The following RAD51B variants were observed in gnomAD, a reference collection of about 807,000 sequenced individuals.
The protein encoded by RAD51B is DNA repair protein RAD51 homolog 2.
A neutral mutation model predicts 42.2 loss-of-function variants in RAD51B; 38 were observed. That is an observed-to-expected ratio of 0.90 (90% CI 0.70 to 1.18). RAD51B has a LOEUF of 1.18. RAD51B is among the 50% of genes most tolerant of loss of function. The pLI is 0.00. For missense variants in RAD51B, 373 were observed against 400.7 expected, an observed-to-expected ratio of 0.93 and a Z score of 0.59; for synonymous variants, 154 against 145.2, an observed-to-expected ratio of 1.06 and a Z score of -0.43.
At chr14:68,217,393 A>G (rs2079838128) in intron 7 of RAD51B, among the ~76,000 whole-genome samples, 1 of 152,344 alleles carries the variant, frequency 6.6e-6, no homozygotes, top group Admixed American at 6.5e-5. Flanking sequence ...TATGGAGTTT[A>G]TGGCACTTTT....
intron 7 of RAD51B, among the ~76,000 whole-genome samples, chr14:68,277,743 T>G (rs2081251506): frequency 6.6e-6 from 1 of 152,138 alleles, no homozygotes; most frequent in East Asian, 1.9e-4. Flanking sequence ...TGGGGGTTTT[T>G]TTTGTTTGTT....
intron 7 of RAD51B, among the ~76,000 whole-genome samples, chr14:68,044,612 A>G (rs1401751293): frequency 1.3e-5 from 2 of 152,122 alleles, no homozygotes; most frequent in Non-Finnish European, 2.9e-5. Flanking sequence ...TTTCAGTATA[A>G]TAAAAATTTA....
At chr14:68,190,238 A>G (rs530800112) in intron 7 of RAD51B, among the ~76,000 whole-genome samples, 31 of 152,284 alleles carry the variant, frequency 2.0e-4, no homozygotes, top group African/African-American at 6.0e-4. Flanking sequence ...TTTAATTTAC[A>G]TTAGGCACTC....
intron 7 of RAD51B, among the ~76,000 whole-genome samples, chr14:68,138,864 ATG>A (rs1430554648): frequency 5.3e-5 from 8 of 152,294 alleles, no homozygotes; most frequent in Admixed American, 5.2e-4. Context: ...CTATGATTGA[ATG>A]AGAATGGTTC....
At chr14:67,920,181 T>TTATAA in intron 7 of RAD51B, among the ~76,000 whole-genome samples, 1 of 152,184 alleles carries the variant, frequency 6.6e-6, no homozygotes, top group Non-Finnish European at 1.5e-5. Context: ...AGCAACTGAA[T>TTATAA]TTCTTAGGTA....
chr14:68,012,479 A>G (rs574488184), intron 7 of RAD51B, among the ~76,000 whole-genome samples: 12 of 152,094 alleles, frequency 7.9e-5, no homozygotes, highest in African/African-American at 2.2e-4. Context: ...AGAGCCCTCA[A>G]AGTCTAAAAT....
At chr14:68,626,672 A>G (rs559607407) in intron 10 of RAD51B, among the ~76,000 whole-genome samples, 2 of 152,340 alleles carry the variant, frequency 1.3e-5, no homozygotes, top group South Asian at 4.1e-4. Flanking sequence ...GCTGATTTCT[A>G]GAGCAAGTGT....
chr14:68,173,582 A>G (rs2078912239), intron 7 of RAD51B, among the ~76,000 whole-genome samples: 5 of 152,212 alleles, frequency 3.3e-5, no homozygotes, highest in Admixed American at 3.3e-4. Flanking sequence ...TAAGAATCAC[A>G]TGCAATATGA....
chr14:68,208,129 A>C (rs967320392), intron 7 of RAD51B, among the ~76,000 whole-genome samples: 2 of 152,016 alleles, frequency 1.3e-5, no homozygotes, highest in African/African-American at 4.8e-5. Context: ...TAAAAAAAAA[A>C]ACAACATATT....
At position 68,091,586 on chromosome 14, in the gene RAD51B, T is replaced by C. The variant is rs533913347; in HGVS notation, c.757-200298T>C. ...TAAATTTGTTTGAGTTCATTGTAGATTGTGGATATTAGCCCTTTGTCAGAT... is the reference window on the plus strand; with the variant it reads ...TAAATTTGTTTGAGTTCATTGTAGACTGTGGATATTAGCCCTTTGTCAGAT... On this transcript the variant is annotated intron_variant, in intron 7 of 10. Transcript: ENST00000471583. 7.9e-5 allele frequency among the ~76,000 whole-genome samples: 12 copies of C among 152,348 alleles called. No individual in the cohort carries two copies. In the South Asian group the frequency reaches 2.3e-3, roughly 29 times the overall value.
intron 10 of RAD51B, among the ~76,000 whole-genome samples, chr14:68,576,227 G>A (rs1162387670): frequency 1.3e-5 from 2 of 152,198 alleles, no homozygotes; most frequent in Non-Finnish European, 2.9e-5. Context: ...GAAGCTAGAG[G>A]CAAAGGAAGC....
chr14:68,339,118 C>T (rs1318237463), intron 8 of RAD51B: 3 of 697,188 alleles, frequency 4.3e-6, no homozygotes, highest in East Asian at 2.7e-5. Context: ...TTAACTCCTG[C>T]TCGAAGGACA....
At chr14:68,085,939 G>A (rs368758906) in intron 7 of RAD51B, among the ~76,000 whole-genome samples, 1 of 152,222 alleles carries the variant, frequency 6.6e-6, no homozygotes, top group African/African-American at 2.4e-5. Context: ...AATGTTTACA[G>A]CTGAAGCCCC....
chr14:67,839,720 T>A (rs921928419), intron 4 of RAD51B, among the ~76,000 whole-genome samples: 3 of 152,022 alleles, frequency 2.0e-5, no homozygotes, highest in African/African-American at 7.2e-5. Context: ...TTTATTTAAT[T>A]TTTTTGTGGG....
At chr14:68,351,333 A>C (rs1012199205) in intron 8 of RAD51B, among the ~76,000 whole-genome samples, 4 of 152,170 alleles carry the variant, frequency 2.6e-5, no homozygotes, top group Non-Finnish European at 5.9e-5. Context: ...AGTAGAAAAG[A>C]CCAAAAGTGT....
At chr14:67,869,295 G>A (rs1337016973) in intron 5 of RAD51B, among the ~76,000 whole-genome samples, 2 of 152,220 alleles carry the variant, frequency 1.3e-5, no homozygotes, top group African/African-American at 4.8e-5. Flanking sequence ...GAATGCAGAA[G>A]CCTCAGGAGC....
chr14:68,509,777 G>A (rs1885594495), intron 10 of RAD51B, among the ~76,000 whole-genome samples: 1 of 152,182 alleles, frequency 6.6e-6, no homozygotes. Context: ...CAACTGCAAG[G>A]CAGCCATGGA....
At chr14:68,094,153 T>C (rs2077151827) in intron 7 of RAD51B, among the ~76,000 whole-genome samples, 3 of 152,256 alleles carry the variant, frequency 2.0e-5, no homozygotes, top group Admixed American at 1.3e-4. Flanking sequence ...GTTGTGACGA[T>C]TTAAGATTTC....
chr14:68,084,204 A>G lies in RAD51B; in HGVS notation c.756+197000A>G, dbSNP rs556400104. 6.2e-4 allele frequency among the ~76,000 whole-genome samples: 94 copies of G among 152,312 alleles called. 1 individual carries two copies. The highest frequency in any genetic ancestry group is 3.5e-3 in the South Asian group (17 of 4,826). On this transcript the variant is annotated intron_variant, in intron 7 of 10. Coordinates refer to ENST00000471583, the MANE Select transcript of RAD51B (RefSeq NM_133510.4). ...TATCTCTGTTTTTTAAAATCTGAGA[A>G]ACCCATTAACTTTTACCCTAGAAAA...
Sources: gnomAD v4.1 joint callset for allele counts (sites outside exome capture counted in the v4.1 genomes callset) on GRCh38, gnomAD v4.1.1 for gene constraint, MANE v1.5 for transcripts, NCBI Gene and HGNC (gene_info 2026-07-23, HGNC 2026-07-21) for gene names.